The following SOS2 variants were observed in gnomAD, a reference collection of about 807,000 sequenced individuals.
SOS2 encodes the protein son of sevenless homolog 2.
SOS2 carries 65 observed loss-of-function variants against 148.2 expected under a neutral mutation model. The ratio of observed to expected loss-of-function variants is 0.44; its 90% confidence interval spans 0.36 to 0.54. The LOEUF is 0.54. SOS2 is among the 20% of genes least tolerant of loss of function. The pLI is 0.00. For missense variants in SOS2, 1,341 were observed against 1,590.2 expected, an observed-to-expected ratio of 0.84 and a Z score of 2.67; for synonymous variants, 539 against 537.1, an observed-to-expected ratio of 1.00 and a Z score of -0.05.
Position 50,231,250 on chromosome 14 carries a change from TG to T in SOS2, c.33del (p.Phe11LeufsTer41). ...CGCCATTTCGGACTGTTCTCCTCGC[TG>T]AAGAACTCGTAAGGCTGCGGCGCCT... Reference protein sequence around the residue: MQQAPQPYEFFSEENSPKWRG... With the variant: MQQAPQPYEFXSEENSPKWRG... On this transcript the variant is annotated frameshift_variant, in exon 1 of 23. Coordinates refer to ENST00000216373, the MANE Select transcript of SOS2 (RefSeq NM_006939.4). LOFTEE classifies it high-confidence loss of function. The T allele has an allele frequency of 6.6e-7, 1 of 1,506,134 alleles. No homozygotes were observed. The highest frequency in any genetic ancestry group is 1.9e-5 in the Admixed American group (1 of 53,850). The allele number at this position is 1,506,134 out of a possible 1,614,324, so 93.3% of individuals were successfully genotyped here. A position where few individuals can be genotyped will look rare whatever the true frequency, so the allele number is the denominator to read the frequency against.
chr14:50,228,366 A>T (rs1887443880), intron 1 of SOS2, among the ~76,000 whole-genome samples: 1 of 152,092 alleles, frequency 6.6e-6, no homozygotes, highest in Admixed American at 6.6e-5. Context: ...TTTTAGCCAG[A>T]GGAAAATATA....
At chr14:50,225,465 A>C (rs1887340690) in intron 1 of SOS2, among the ~76,000 whole-genome samples, 1 of 152,230 alleles carries the variant, frequency 6.6e-6, no homozygotes. Flanking sequence ...AGCATAAAAC[A>C]CTTTAATGGA....
rs71118839 is a variant in SOS2, at chr14:50,122,391, C to CTTTTTT, written c.3380-2013_3380-2008dup. On this transcript the variant is annotated intron_variant, in intron 21 of 22. Coordinates refer to ENST00000216373, the MANE Select transcript of SOS2 (RefSeq NM_006939.4). The stretch of plus-strand genomic sequence containing the variant: ...ATGAAGAGTGAAAAAGAACCCTGGG[C>CTTTTTT]TTTTTTTTTTTTTTTTTTTTTTGAG... Among the ~76,000 whole-genome samples the CTTTTTT allele has an allele frequency of 1.1e-3, 100 of 88,282 alleles. 2 individuals carry two copies. The highest frequency in any genetic ancestry group is 1.6e-3 in the African/African-American group (34 of 20,916). The allele number at this position is 88,282 out of a possible 152,430, so 57.9% of individuals were successfully genotyped here. A position where few individuals can be genotyped will look rare whatever the true frequency, so the allele number is the denominator to read the frequency against.
intron 4 of SOS2, among the ~76,000 whole-genome samples, chr14:50,191,366 G>A (rs1183756304): frequency 6.6e-6 from 1 of 152,132 alleles, no homozygotes; most frequent in East Asian, 1.9e-4. Flanking sequence ...CTACTCTGAA[G>A]GCTGAGGTGG....
intron 1 of SOS2, among the ~76,000 whole-genome samples, chr14:50,222,701 T>C (rs1410006665): frequency 6.6e-6 from 1 of 152,164 alleles, no homozygotes; most frequent in Non-Finnish European, 1.5e-5. Flanking sequence ...AAAGCCAGTA[T>C]GGGGCAGAAG....
At chr14:50,203,586 T>G (rs1886567154) in intron 2 of SOS2, among the ~76,000 whole-genome samples, 1 of 82,118 alleles carries the variant, frequency 1.2e-5, no homozygotes, top group African/African-American at 4.9e-5. Flanking sequence ...TTAAACAGTT[T>G]TTCAGATATA....
intron 1 of SOS2, among the ~76,000 whole-genome samples, chr14:50,216,972 T>C (rs916327643): frequency 1.3e-5 from 2 of 152,100 alleles, no homozygotes; most frequent in African/African-American, 4.8e-5. Flanking sequence ...AACATTCTCA[T>C]GGAAATACAA....
At chr14:50,157,410 C>T (rs1030340302) in intron 11 of SOS2, among the ~76,000 whole-genome samples, 1 of 152,012 alleles carries the variant, frequency 6.6e-6, no homozygotes, top group Non-Finnish European at 1.5e-5. Flanking sequence ...AAGAACATGA[C>T]AGAAATTGCT....
At position 50,150,171 on chromosome 14, in the gene SOS2, C is replaced by T. The variant is rs1594973893; in HGVS notation, c.2221G>A (p.Ala741Thr). 6.2e-7 allele frequency: 1 copy of T among 1,613,728 alleles called. No homozygotes were observed. Among genetic ancestry groups the T allele is most frequent in the Non-Finnish European group, 8.5e-7 (1 of 1,179,644 alleles). ...IAKIIRRKKQ[A>T]QANGVSHNIT... ...TTATGGCTTACTCCGTTTGCCTGAG[C>T]TTGCTTCTTCCTCCTGATGATCTTA... Residue 741 changes from alanine (A) to threonine (T), a missense_variant, in exon 14 of 23, where the codon GCT becomes ACT. Coordinates refer to ENST00000216373, the MANE Select transcript of SOS2 (RefSeq NM_006939.4).
At chr14:50,149,440 T>TA (rs575516939) in intron 14 of SOS2, among the ~76,000 whole-genome samples, 45 of 147,342 alleles carry the variant, frequency 3.1e-4, no homozygotes, top group African/African-American at 9.7e-4. Flanking sequence ...ATATGAAAAC[T>TA]AAAAAAAAAA....
At chr14:50,173,938 T>C (rs1018790548) in intron 8 of SOS2, among the ~76,000 whole-genome samples, 1 of 152,140 alleles carries the variant, frequency 6.6e-6, no homozygotes, top group African/African-American at 2.4e-5. Flanking sequence ...TGGCCAACAT[T>C]TAAAAATGCT....
chr14:50,140,760 C>T lies in SOS2; in HGVS notation c.2668-701G>A, dbSNP rs556451183. 5.3e-5 allele frequency among the ~76,000 whole-genome samples: 8 copies of T among 152,208 alleles called. No homozygotes were observed. The East Asian group carries it at 1.4e-3, about 26-fold the overall frequency. ...GGAAAGAAAAAAAAATGTCACTATT[C>T]ACACAGAGGATATGACTGCCCATGA... On this transcript the variant is annotated intron_variant, in intron 16 of 22. Transcript: ENST00000216373.
At chr14:50,197,733 G>T (rs1305590294) in intron 4 of SOS2, among the ~76,000 whole-genome samples, 2 of 146,188 alleles carry the variant, frequency 1.4e-5, no homozygotes, top group Non-Finnish European at 3.0e-5. Context: ...TTGTCACCCA[G>T]GCTGCAATGC....
At position 50,160,097 on chromosome 14, in the gene SOS2, C is replaced by G. The variant is rs1884946490; in HGVS notation, c.1197-11G>C. On this transcript the variant is annotated splice_polypyrimidine_tract_variant and intron_variant, in intron 9 of 22. Coordinates refer to ENST00000216373, the MANE Select transcript of SOS2 (RefSeq NM_006939.4). ...GGGCAAACAGGATCTCTAGAAAAAA[C>G]AAACAATATAGCTTATTCAACAGCT... The G allele has an allele frequency of 6.2e-7, 1 of 1,600,806 alleles. No individual in the cohort carries two copies. The highest frequency in any genetic ancestry group is 1.7e-5 in the Admixed American group (1 of 58,588).
intron 8 of SOS2, among the ~76,000 whole-genome samples, chr14:50,173,879 A>G (rs565855751): frequency 6.6e-6 from 1 of 152,308 alleles, no homozygotes; most frequent in East Asian, 1.9e-4. Context: ...AATAAGGTTC[A>G]TGTCTTATTA....
At chr14:50,125,088 T>C (rs139792853) in intron 21 of SOS2, among the ~76,000 whole-genome samples, 4 of 152,354 alleles carry the variant, frequency 2.6e-5, no homozygotes, top group East Asian at 3.9e-4. Context: ...ATTTGGAATA[T>C]AGTCTTTGCA....
chr14:50,228,043 ATT>A (rs5808544), intron 1 of SOS2, among the ~76,000 whole-genome samples: 79 of 142,482 alleles, frequency 5.5e-4, no homozygotes, highest in Non-Finnish European at 5.2e-4. Flanking sequence ...GATGCAAGTA[ATT>A]TTTTTTTTTT....
Position 50,160,079 on chromosome 14 carries a change from C to T in SOS2, c.1204G>A (p.Val402Ile), listed in dbSNP as rs1472537130. ...AATTGGTGACTATAAAAAGGGCAAA[C>T]AGGATCTCTAGAAAAAACAAACAAT... ...YSPRRRPGDP[V>I]CPFYSHQLRS... The change falls in exon 10 of 23, where the codon GTT becomes ATT. Residue 402 changes from valine to isoleucine, a missense_variant. By Grantham distance (29) the Val-to-Ile change is conservative. Coordinates refer to ENST00000216373, the MANE Select transcript of SOS2 (RefSeq NM_006939.4). 6.2e-7 allele frequency: 1 copy of T among 1,608,084 alleles called. No individual in the cohort carries two copies. The highest frequency in any genetic ancestry group is 2.2e-5 in the East Asian group (1 of 44,778).
intron 8 of SOS2, among the ~76,000 whole-genome samples, chr14:50,173,712 C>T (rs929473814): frequency 2.0e-5 from 3 of 152,126 alleles, no homozygotes; most frequent in South Asian, 2.1e-4. Context: ...TGAACCACCG[C>T]GCCCGGCAGT....
Sources: allele counts gnomAD v4.1 joint callset (sites outside exome capture counted in the v4.1 genomes callset), GRCh38; gene constraint gnomAD v4.1.1; transcripts MANE v1.5; gene names NCBI Gene and HGNC (gene_info 2026-07-23, HGNC 2026-07-21).